The following FAM81A variants were observed in gnomAD, a reference collection of about 807,000 sequenced individuals.
FAM81A encodes protein FAM81A.
Under a neutral mutation model 46.7 loss-of-function variants are expected in FAM81A, and 19 were observed. The ratio of observed to expected loss-of-function variants is 0.41; its 90% CI spans 0.28 to 0.60. The LOEUF (loss-of-function observed/expected upper bound fraction) is 0.60, where lower values mean the gene tolerates loss of function less well. Ranked by LOEUF, FAM81A falls within the 20% of genes least tolerant of loss-of-function variation. The pLI is 0.34. For synonymous variants in FAM81A, 183 were observed against 152.9 expected, an observed-to-expected ratio of 1.20 and a Z score of -1.45; for missense variants, 377 against 453.5, an observed-to-expected ratio of 0.83 and a Z score of 1.53.
At chr15:59,507,428 A>G in intron 5 of FAM81A, 86 bp downstream of exon 5, 1 of 1,515,746 alleles carries the variant, frequency 6.6e-7, no homozygotes, top group Non-Finnish European at 8.9e-7. Flanking sequence ...CTTACAGGAG[A>G]AACCAGCTGG....
intron 3 of FAM81A, among the ~76,000 whole-genome samples, chr15:59,483,475 T>C (rs1376524860): frequency 1.3e-5 from 2 of 152,196 alleles, no homozygotes; most frequent in African/African-American, 4.8e-5. Context: ...ATTTTCTTTA[T>C]GTATGTTATA....
chr15:59,493,160 G>C (rs2081999057), intron 4 of FAM81A, among the ~76,000 whole-genome samples: 1 of 152,204 alleles, frequency 6.6e-6, no homozygotes, highest in African/African-American at 2.4e-5. Context: ...CAATGAGGGT[G>C]GTCTGCATGG....
At chr15:59,501,757 G>A (rs1169494956) in intron 4 of FAM81A, among the ~76,000 whole-genome samples, 1 of 152,072 alleles carries the variant, frequency 6.6e-6, no homozygotes, top group Admixed American at 6.6e-5. Context: ...GCTGTCTAAA[G>A]ACCCAAAAAG....
chr15:59,450,103 CTTT>C lies in FAM81A; in HGVS notation c.-77-8433_-77-8431del, dbSNP rs56862038. Among the ~76,000 whole-genome samples the C allele has an allele frequency of 2.4e-5, 3 of 126,288 alleles. No individual in the cohort carries two copies. In the Admixed American group the frequency reaches 2.5e-4, roughly 11 times the overall value. 82.8% of individuals were successfully genotyped at this position (126,288 alleles called of 152,430 possible). A position where few individuals can be genotyped will look rare whatever the true frequency, so the allele number is the denominator to read the frequency against. ...ACACCCAGCTAATTTTTCTTTCTTT[CTTT>C]TTTTTTTTTTTTTAATGTAAATGGG... is the stretch of plus-strand genomic sequence containing the variant. On this transcript the variant is annotated intron_variant, in intron 1 of 8. Coordinates refer to ENST00000288228, the MANE Select transcript of FAM81A (RefSeq NM_152450.3).
intron 3 of FAM81A, among the ~76,000 whole-genome samples, chr15:59,466,763 A>C (rs571912241): frequency 6.6e-6 from 1 of 152,286 alleles, no homozygotes; most frequent in East Asian, 1.9e-4. Flanking sequence ...TTGGTGTTTT[A>C]GGCATGAAGT....
chr15:59,508,702 A>G (rs1383713005), intron 5 of FAM81A, among the ~76,000 whole-genome samples, 161 bp from the exon 6 acceptor site: 1 of 152,206 alleles, frequency 6.6e-6, no homozygotes, highest in East Asian at 1.9e-4. Flanking sequence ...GGTATATAAG[A>G]AAGAAAATGG....
At chr15:59,519,345 G>C (rs1458106297) in intron 8 of FAM81A, among the ~76,000 whole-genome samples, 1 of 151,686 alleles carries the variant, frequency 6.6e-6, no homozygotes, top group African/African-American at 2.4e-5. Flanking sequence ...TGCACCACCA[G>C]GCCCAGCTAA....
chr15:59,502,040 A>C (rs1163487685), intron 4 of FAM81A, among the ~76,000 whole-genome samples: 19 of 151,880 alleles, frequency 1.3e-4, no homozygotes, highest in African/African-American at 4.1e-4. Flanking sequence ...TTTATAAAAA[A>C]TTACAAAACT....
chr15:59,433,448 G>T (rs1473200475), upstream of FAM81A, among the ~76,000 whole-genome samples: 1 of 152,050 alleles, frequency 6.6e-6, no homozygotes, highest in East Asian at 1.9e-4. Flanking sequence ...AATATTTTGT[G>T]CTTTCTCTGC....
chr15:59,449,781 C>CAAA (rs71119473), intron 1 of FAM81A, among the ~76,000 whole-genome samples: 2 of 70,314 alleles, frequency 2.8e-5, no homozygotes, highest in African/African-American at 5.6e-5. Flanking sequence ...GACTCTGTCT[C>CAAA]AAAAAAAAAA....
At chr15:59,485,763 A>G (rs2081910461) in intron 3 of FAM81A, among the ~76,000 whole-genome samples, 1 of 152,252 alleles carries the variant, frequency 6.6e-6, no homozygotes, top group African/African-American at 2.4e-5. Flanking sequence ...AATCCCAGAG[A>G]GACAAAGATA....
chr15:59,498,943 A>G (rs1164267416), intron 4 of FAM81A, among the ~76,000 whole-genome samples: 1 of 152,194 alleles, frequency 6.6e-6, no homozygotes, highest in Non-Finnish European at 1.5e-5. Context: ...TGTTAGGATT[A>G]CAGGTGTGAG....
chr15:59,410,261 A>G (rs904298258), intron 2 of FAM81A, among the ~76,000 whole-genome samples: 2 of 152,066 alleles, frequency 1.3e-5, no homozygotes, highest in Non-Finnish European at 2.9e-5. Context: ...GCACCATTGC[A>G]CTCCAGCCTG....
intron 6 of FAM81A, among the ~76,000 whole-genome samples, chr15:59,509,768 T>C (rs1305342659): frequency 1.3e-5 from 2 of 151,772 alleles, no homozygotes; most frequent in Non-Finnish European, 2.9e-5. Flanking sequence ...ATATATGAGG[T>C]TGAATAGCCT....
chr15:59,515,595 G>A (rs1366668266), intron 7 of FAM81A, among the ~76,000 whole-genome samples: 1 of 152,096 alleles, frequency 6.6e-6, no homozygotes, highest in African/African-American at 2.4e-5. Flanking sequence ...AACCAAGCAT[G>A]TGGAAAGGCA....
intron 2 of FAM81A, among the ~76,000 whole-genome samples, chr15:59,407,439 C>T (rs1244160940): frequency 6.6e-6 from 1 of 151,928 alleles, no homozygotes; most frequent in Non-Finnish European, 1.5e-5. Flanking sequence ...GGACTACAGG[C>T]ACCCGCCACC....
At chr15:59,408,305 G>A (rs1293803375) in intron 2 of FAM81A, among the ~76,000 whole-genome samples, 1 of 152,108 alleles carries the variant, frequency 6.6e-6, no homozygotes, top group Non-Finnish European at 1.5e-5. Context: ...TGTTTCTTTT[G>A]TTGTTGTTGT....
intron 3 of FAM81A, among the ~76,000 whole-genome samples, chr15:59,467,000 A>G (rs1352217370): frequency 3.9e-5 from 6 of 152,162 alleles, no homozygotes; most frequent in Non-Finnish European, 5.9e-5. Context: ...CAGGTTTGTC[A>G]AAGATCAGAT....
chr15:59,434,921 T>C (rs1275173358), upstream of FAM81A, among the ~76,000 whole-genome samples: 1 of 152,204 alleles, frequency 6.6e-6, no homozygotes, highest in Non-Finnish European at 1.5e-5. Flanking sequence ...AGATGTCGTG[T>C]GTATCTCATC....
Sources: allele counts gnomAD v4.1 joint callset (sites outside exome capture counted in the v4.1 genomes callset), GRCh38; gene constraint gnomAD v4.1.1; transcripts MANE v1.5; gene names NCBI Gene and HGNC (gene_info 2026-07-23, HGNC 2026-07-21).